The following CYP17A1 variants were observed in gnomAD, a reference collection of about 807,000 sequenced individuals.
CYP17A1 encodes cytochrome P450 family 17 subfamily A member 1.
A neutral mutation model predicts 38.5 loss-of-function variants in CYP17A1; 27 were observed. That is an observed-to-expected ratio of 0.70 (90% CI 0.52 to 0.97). The LOEUF is 0.97. Ranked by LOEUF, CYP17A1 falls within the 50% of genes least tolerant of loss-of-function variation. The probability of loss-of-function intolerance (pLI) is 0.00; values close to 1 mark genes in which losing one functional copy is unlikely to be tolerated. For synonymous variants in CYP17A1, 263 were observed against 253.3 expected, an observed-to-expected ratio of 1.04 and a Z score of -0.36; for missense variants, 549 against 645.9, an observed-to-expected ratio of 0.85 and a Z score of 1.63.
rs368405367 is a variant in CYP17A1, at chr10:102,837,294, G to T, written c.68C>A (p.Pro23His). The T allele has an allele frequency of 6.2e-7, 1 of 1,609,010 alleles. No homozygotes were observed. The highest frequency in any genetic ancestry group is 1.3e-5 in the African/African-American group (1 of 74,910). Residue 23 changes from proline to histidine, a missense_variant, in exon 1 of 8, where the codon CCT becomes CAT. Physicochemically the swap from Pro to His is moderately conservative, Grantham distance 77. Transcript: ENST00000369887. ...GAGGCTCTTGGGGTACTTGGCACCA[G>T]GGCACCTTCTCTTGGGCCAAAACAA... Reference protein sequence around the residue: ...AYLFWPKRRCPGAKYPKSLLS... With the variant: ...AYLFWPKRRCHGAKYPKSLLS...
chr10:102,835,654 T>TG, intron 1 of CYP17A1: 1 of 518,048 alleles, frequency 1.9e-6, no homozygotes, highest in East Asian at 3.5e-5. Flanking sequence ...GCAGCAGCAT[T>TG]GGGGTTCTTT....
intron 1 of CYP17A1, among the ~76,000 whole-genome samples, chr10:102,836,504 G>A (rs571006377): frequency 2.1e-4 from 31 of 150,142 alleles, no homozygotes; most frequent in Admixed American, 1.1e-3. Context: ...GGGCCCTGCT[G>A]AGTGGGAGGC....
chr10:102,833,490 T>A, intron 4 of CYP17A1: 1 of 427,880 alleles, frequency 2.3e-6, no homozygotes, highest in Non-Finnish European at 4.3e-6. Context: ...AGAATCTTGG[T>A]GCAATGCCCA....
chr10:102,834,752 T>C, intron 3 of CYP17A1, 33 bp downstream of exon 3: 1 of 1,614,086 alleles, frequency 6.2e-7, no homozygotes, highest in Non-Finnish European at 8.5e-7. Context: ...CAGGGTCTAC[T>C]AGAACCTGAA....
Position 102,832,533 on chromosome 10 carries a change from G to C in CYP17A1, c.1117C>G (p.His373Asp), listed in dbSNP as rs1423560123. ...LRPVAPMLIP[H>D]KANVDSSIGE... ...CACCTGGAGTCAACGTTGGCCTTGT[G>C]GGGGATGAGCATAGGGGCCACGGGC... The change falls in exon 6 of 8, where the codon CAC (histidine) becomes GAC (aspartate). Residue 373 changes from histidine to aspartate, a missense_variant. By Grantham distance (81) the His-to-Asp change is moderately conservative. This residue lies in a region of CYP17A1 where 257 missense variants were observed against 307.9 expected (regional missense o/e 0.83). Transcript: ENST00000369887. 3 of 1,610,612 alleles carry C rather than the reference G, an allele frequency of 1.9e-6. No homozygotes were observed. The highest frequency in any genetic ancestry group is 2.2e-5 in the East Asian group (1 of 44,850).
rs1347391253 is a variant in CYP17A1, at chr10:102,830,712, C to T, written c.1517G>A (p.Gly506Asp). The change falls in exon 8 of 8, where the codon GGT (glycine) becomes GAT (aspartate). Residue 506 changes from glycine (G) to aspartate (D), a missense_variant. Transcript: ENST00000369887. The surrounding 1 kb of genome is among the most constrained non-coding windows in gnomAD (Gnocchi z 4.1). ...RQAWREAQAEGST is the reference protein window; with the variant it reads ...RQAWREAQAEDST ...TGTGAGTTACAGCCTTTAGGTGCTA[C>T]CCTCAGCCTGGGCTTCCCTCCAGGC... is the stretch of plus-strand genomic sequence containing the variant. 3.1e-6 allele frequency: 5 copies of T among 1,590,340 alleles called. No individual in the cohort carries two copies. The Admixed American group carries it at 6.8e-5, about 22-fold the overall frequency.
intron 1 of CYP17A1, 118 bp from the exon 2 acceptor site, chr10:102,835,510 C>T: frequency 1.1e-6 from 1 of 871,788 alleles, no homozygotes; most frequent in Non-Finnish European, 2.0e-6. Context: ...CATGCTGACT[C>T]CCATGTGGGC....
At chr10:102,834,217 C>CT in intron 3 of CYP17A1, 95 bp from the exon 4 acceptor site, 1 of 742,224 alleles carries the variant, frequency 1.3e-6, no homozygotes, top group Non-Finnish European at 2.5e-6. Flanking sequence ...AGCTTTCTGT[C>CT]TCTGGAAGTT....
At chr10:102,836,350 A>C (rs1342450880) in intron 1 of CYP17A1, among the ~76,000 whole-genome samples, 3 of 151,184 alleles carry the variant, frequency 2.0e-5, no homozygotes, top group Non-Finnish European at 4.4e-5. Flanking sequence ...CCAGGTACTC[A>C]GGAGGCTGAG....
rs1228979193 is a variant in CYP17A1, at chr10:102,833,027, T to C, written c.935A>G (p.Lys312Arg). 6.2e-7 allele frequency: 1 copy of C among 1,614,140 alleles called. No homozygotes were observed. Among genetic ancestry groups the C allele is most frequent in the East Asian group, 2.2e-5 (1 of 44,876 alleles). Residue 312 changes from lysine to arginine, a missense_variant, in exon 5 of 8, where the codon AAA becomes AGA. Physicochemically the swap from Lys to Arg is conservative, Grantham distance 26. Coordinates refer to ENST00000369887, the MANE Select transcript of CYP17A1 (RefSeq NM_000102.4). The stretch of plus-strand genomic sequence containing the variant: ...GTGCAGCAGGAAGGCCAGGGTCCAT[T>C]TAACCACAGAGGTGGTGGTCTCCAC... ...AGVETTTSVV[K>R]WTLAFLLHNP...
Position 102,834,120 on chromosome 10 carries a change from A to T in CYP17A1, c.669T>A (p.Ile223=). The T allele has an allele frequency of 8.4e-7, 1 of 1,193,908 alleles. No homozygotes were observed. The highest frequency in any genetic ancestry group is 1.3e-6 in the Non-Finnish European group (1 of 796,002). 74.0% of individuals were successfully genotyped at this position (1,193,908 alleles called of 1,614,324 possible). A position where few individuals can be genotyped will look rare whatever the true frequency, so the allele number is the denominator to read the frequency against. The change falls in exon 4 of 8, where the codon ATT becomes ATA. Residue 223 remains isoleucine, a splice_region_variant and synonymous_variant. Transcript: ENST00000369887. ...SLVDLVPWLK[I]FPNKTLEKLK... ...ATTTTTCCAGGGTTTTGTTGGGGAA[A>T]ATCTGGGAAATAAAAAGAAATGTTA...
chr10:102,836,079 G>C (rs1232014953), intron 1 of CYP17A1, among the ~76,000 whole-genome samples: 1 of 152,158 alleles, frequency 6.6e-6, no homozygotes, highest in Non-Finnish European at 1.5e-5. Flanking sequence ...CCGGGAGGAA[G>C]CCAGCAGAGG....
At chr10:102,834,153 C>G (rs749929470) in intron 3 of CYP17A1, 31 bp from the exon 4 acceptor site, 2 of 935,354 alleles carry the variant, frequency 2.1e-6, no homozygotes, top group Non-Finnish European at 3.6e-6. Flanking sequence ...TTAAATCCAC[C>G]CTTCTTCCAT....
chr10:102,837,297 C>T lies in CYP17A1; in HGVS notation c.65G>A (p.Cys22Tyr). 6.2e-7 allele frequency: 1 copy of T among 1,609,502 alleles called. No individual in the cohort carries two copies. The highest frequency in any genetic ancestry group is 8.5e-7 in the Non-Finnish European group (1 of 1,175,792). The stretch of plus-strand genomic sequence containing the variant: ...GCTCTTGGGGTACTTGGCACCAGGG[C>T]ACCTTCTCTTGGGCCAAAACAAATA... ...LAYLFWPKRRCPGAKYPKSLL... is the reference protein window; with the variant it reads ...LAYLFWPKRRYPGAKYPKSLL... Residue 22 changes from cysteine to tyrosine, a missense_variant, in exon 1 of 8, where the codon TGC becomes TAC. This residue lies in a region of CYP17A1 where 289 missense variants were observed against 320.9 expected (regional missense o/e 0.90). Coordinates refer to ENST00000369887, the MANE Select transcript of CYP17A1 (RefSeq NM_000102.4).
intron 6 of CYP17A1, among the ~76,000 whole-genome samples, chr10:102,831,895 G>A (rs941249844): frequency 4.6e-5 from 7 of 152,056 alleles, no homozygotes; most frequent in South Asian, 2.1e-4. Flanking sequence ...TGTTATGTGC[G>A]TGCTGCAGCT....
chr10:102,837,108 A>G lies in CYP17A1; in HGVS notation c.254T>C (p.Val85Ala), dbSNP rs1163541451. The change falls in exon 1 of 8, where the codon GTG becomes GCG. Residue 85 changes from valine to alanine, a missense_variant. Physicochemically the swap from Val to Ala is moderately conservative, Grantham distance 64. Coordinates refer to ENST00000369887, the MANE Select transcript of CYP17A1 (RefSeq NM_000102.4). ...IVGHHQLAKE[V>A]LIKKGKDFSG... ...GAAGTCCTTGCCCTTCTTAATAAGC[A>G]CCTCCTTGGCCAGCTGGTGGTGGCC... is the stretch of plus-strand genomic sequence containing the variant. The G allele has an allele frequency of 6.2e-7, 1 of 1,608,336 alleles. No individual in the cohort carries two copies. The highest frequency in any genetic ancestry group is 1.7e-5 in the Admixed American group (1 of 59,964).
Position 102,830,634 on chromosome 10 carries a change from G to GAA in CYP17A1, c.*67_*68insTT. 3 of 865,584 alleles carry GAA rather than the reference G, an allele frequency of 3.5e-6. No individual in the cohort carries two copies. The highest frequency in any genetic ancestry group is 5.7e-6 in the Non-Finnish European group (3 of 522,280). The allele number at this position is 865,584 out of a possible 1,614,324, so 53.6% of individuals were successfully genotyped here. ...TAGGGAAGAATGGCGGAGAAGGGTG[G>GAA]GGGGTTGTATCTCTAAATCTGTGTT... On this transcript the variant is annotated 3_prime_UTR_variant, in exon 8 of 8. Coordinates refer to ENST00000369887, the MANE Select transcript of CYP17A1 (RefSeq NM_000102.4). The surrounding 1 kb of genome is among the most constrained non-coding windows in gnomAD (Gnocchi z 4.1).
chr10:102,837,296 G>A lies in CYP17A1; in HGVS notation c.66C>T (p.Cys22=). 1 of 1,608,654 alleles carries A rather than the reference G, an allele frequency of 6.2e-7. No individual in the cohort carries two copies. The highest frequency in any genetic ancestry group is 1.3e-5 in the African/African-American group (1 of 74,952). Residue 22 remains cysteine (C), a synonymous_variant, in exon 1 of 8, where the codon TGC becomes TGT. Transcript: ENST00000369887. ...LAYLFWPKRR[C]PGAKYPKSLL... The stretch of plus-strand genomic sequence containing the variant: ...GGCTCTTGGGGTACTTGGCACCAGG[G>A]CACCTTCTCTTGGGCCAAAACAAAT...
intron 3 of CYP17A1, 118 bp from the exon 4 acceptor site, chr10:102,834,240 CT>C (rs1038588967): frequency 3.0e-5 from 21 of 711,170 alleles, no homozygotes; most frequent in Non-Finnish European, 1.8e-5. Context: ...TACTCCACCC[CT>C]GACCTTCAGC....
Sources: allele counts gnomAD v4.1 joint callset (sites outside exome capture counted in the v4.1 genomes callset), GRCh38; gene constraint gnomAD v4.1.1; regional missense constraint gnomAD v4.1.1; non-coding constraint Gnocchi (gnomAD v3.1); transcripts MANE v1.5; gene names NCBI Gene and HGNC (gene_info 2026-07-23, HGNC 2026-07-21).